The following CUBN variants were observed in gnomAD, a reference collection of about 807,000 sequenced individuals.
CUBN encodes 460 kDa receptor.
CUBN carries 282 observed loss-of-function variants against 405.3 expected under a neutral mutation model. That is an observed-to-expected ratio of 0.70 (90% CI 0.63 to 0.77). The LOEUF (loss-of-function observed/expected upper bound fraction) is 0.77. Among genes scored for constraint, CUBN ranks in the 30% least tolerant of loss-of-function variants. The pLI is 0.00. For missense variants in CUBN, 4,514 were observed against 4,475.2 expected (o/e 1.01, Z -0.25); for synonymous variants, 1,684 against 1,617.0 (o/e 1.04, Z -0.99).
intron 22 of CUBN, among the ~76,000 whole-genome samples, chr10:17,057,659 C>G (rs1835424079): frequency 6.6e-6 from 1 of 151,874 alleles, no homozygotes; most frequent in Non-Finnish European, 1.5e-5. Context: ...TTCATGGTAG[C>G]TTTTTTTGTA....
chr10:16,880,507 G>A (rs1358973829), intron 56 of CUBN, among the ~76,000 whole-genome samples: 1 of 152,236 alleles, frequency 6.6e-6, no homozygotes, highest in African/African-American at 2.4e-5. Context: ...GCGGGGAAGA[G>A]AGAGCATGCT....
chr10:17,071,597 C>G lies in CUBN; in HGVS notation c.2454G>C (p.Gly818=), dbSNP rs749263255. 6.2e-7 allele frequency: 1 copy of G among 1,613,238 alleles called. No individual in the cohort carries two copies. Among genetic ancestry groups the G allele is most frequent in the African/African-American group, 1.3e-5 (1 of 74,862 alleles). Residue 818 remains glycine, a synonymous_variant, in exon 19 of 67, where the codon GGG becomes GGC. Transcript: ENST00000377833. The part of the protein sequence containing the change: ...SFRAVYQVAC[G]DELTGEGVIR... Reference sequence around the variant, plus strand: ...TGACCCCTTCTCCAGTTAATTCATCCCCGCAAGCTGTAAGCATAAAAATTA... The same window carrying G: ...TGACCCCTTCTCCAGTTAATTCATCGCCGCAAGCTGTAAGCATAAAAATTA...
chr10:17,119,517 G>A (rs769957513), intron 6 of CUBN, among the ~76,000 whole-genome samples: 14 of 152,078 alleles, frequency 9.2e-5, no homozygotes, highest in East Asian at 3.9e-4. Flanking sequence ...AAAATTAGCC[G>A]GGTATGGTGT....
rs373793929 is a variant in CUBN at position 17,073,406 on chromosome 10, CATATA to C, written c.2302-1440_2302-1436del. Among the ~76,000 whole-genome samples, 294 of 149,954 alleles carry C rather than the reference CATATA, an allele frequency of 2.0e-3. 3 individuals are homozygous for C. Among genetic ancestry groups the C allele is most frequent in the African/African-American group, 6.8e-3 (278 of 40,988 alleles). On this transcript the variant is annotated intron_variant, in intron 17 of 66. Transcript: ENST00000377833. The stretch of plus-strand genomic sequence containing the variant: ...TATTAGAAAAAAAAGGAATTTCCTT[CATATA>C]ATAGACTACTGATTTTAAATCAATA...
chr10:16,979,178 C>A (rs1246879783), intron 31 of CUBN, among the ~76,000 whole-genome samples: 1 of 152,068 alleles, frequency 6.6e-6, no homozygotes, highest in Non-Finnish European at 1.5e-5. Flanking sequence ...AACCACTGCT[C>A]AAGGAAATAA....
At chr10:17,009,040 AT>A (rs1276107196) in intron 28 of CUBN, among the ~76,000 whole-genome samples, 2 of 152,228 alleles carry the variant, frequency 1.3e-5, no homozygotes, top group African/African-American at 4.8e-5. Context: ...TTCTCAGGTT[AT>A]CTCAAACTAA....
At chr10:17,118,096 C>T (rs2131317391) in intron 6 of CUBN, among the ~76,000 whole-genome samples, 2 of 152,278 alleles carry the variant, frequency 1.3e-5, no homozygotes, top group African/African-American at 4.8e-5. Context: ...TTCATCCTTG[C>T]TATTATCACT....
rs1296952988 is a variant in CUBN, at chr10:16,888,570, T to C, written c.8756-4A>G. On this transcript the variant is annotated splice_region_variant and splice_polypyrimidine_tract_variant and intron_variant, in intron 55 of 66. Coordinates refer to ENST00000377833, the MANE Select transcript of CUBN (RefSeq NM_001081.4). ...CCAGTGAAATTACTTCCACATCCTATGTGGGAACAAAAAGTCATCATCAGA... is the reference window on the plus strand; with the variant it reads ...CCAGTGAAATTACTTCCACATCCTACGTGGGAACAAAAAGTCATCATCAGA... The C allele has an allele frequency of 1.9e-6, 3 of 1,613,020 alleles. No homozygotes were observed. The highest frequency in any genetic ancestry group is 2.2e-5 in the East Asian group (1 of 44,822).
At chr10:16,976,320 G>T (rs117666869) in intron 31 of CUBN, among the ~76,000 whole-genome samples, 1 of 151,900 alleles carries the variant, frequency 6.6e-6, no homozygotes, top group East Asian at 1.9e-4. Context: ...GTTCCTGGCC[G>T]GTAGTTACTT....
At chr10:17,024,907 A>G (rs1229197299) in intron 27 of CUBN, among the ~76,000 whole-genome samples, 1 of 152,118 alleles carries the variant, frequency 6.6e-6, no homozygotes, top group Non-Finnish European at 1.5e-5. Context: ...TGTTTCTTTT[A>G]TTTCCTGGAA....
chr10:17,058,544 C>T (rs1386421064), intron 22 of CUBN, among the ~76,000 whole-genome samples: 1 of 152,002 alleles, frequency 6.6e-6, no homozygotes, highest in Non-Finnish European at 1.5e-5. Flanking sequence ...ACGTATTAAA[C>T]AATAGGATAT....
At chr10:16,868,476 G>C (rs1014759935) in intron 59 of CUBN, among the ~76,000 whole-genome samples, 4 of 152,148 alleles carry the variant, frequency 2.6e-5, no homozygotes, top group Non-Finnish European at 5.9e-5. Context: ...AGATTTGTTT[G>C]GAGAGTTGTG....
chr10:16,960,511 A>G (rs935085354), intron 31 of CUBN, among the ~76,000 whole-genome samples: 7 of 151,950 alleles, frequency 4.6e-5, no homozygotes, highest in African/African-American at 1.7e-4. Context: ...CAAACAAAAA[A>G]CCCCCACAAA....
At position 17,103,131 on chromosome 10, in the gene CUBN, C is replaced by T. The variant is rs1482593298; in HGVS notation, c.1524G>A (p.Met508Ile). The T allele has an allele frequency of 1.3e-6, 2 of 1,599,924 alleles. No individual in the cohort carries two copies. Among genetic ancestry groups the T allele is most frequent in the South Asian group, 2.2e-5 (2 of 90,748 alleles). The change falls in exon 13 of 67, where the codon ATG becomes ATA. Residue 508 changes from methionine (M) to isoleucine (I), a missense_variant. By Grantham distance (10) the Met-to-Ile change is conservative (BLOSUM62 1). Around this residue, in one of 5 missense-constraint regions of CUBN, gnomAD observed 1,448 missense variants for 1,388.0 expected, o/e 1.04. Transcript: ENST00000377833. Reference protein sequence around the residue: ...VNCFWVIKTEMGKVLRITFTF... With the variant: ...VNCFWVIKTEIGKVLRITFTF... Reference sequence around the variant, plus strand: ...CAAGAGTTACTACATTTACCTTTCCCATTTCAGTTTTGATAACCCAGAAGC... The same window carrying T: ...CAAGAGTTACTACATTTACCTTTCCTATTTCAGTTTTGATAACCCAGAAGC...
chr10:16,882,926 A>C (rs1840704459), intron 56 of CUBN, among the ~76,000 whole-genome samples: 1 of 152,104 alleles, frequency 6.6e-6, no homozygotes, highest in African/African-American at 2.4e-5. Context: ...AGCCATGAGA[A>C]TTGCTTGAAC....
chr10:16,937,725 A>G lies in CUBN; in HGVS notation c.5793T>C (p.Thr1931=). Residue 1931 remains threonine, a synonymous_variant, in exon 39 of 67, where the codon ACT becomes ACC. Transcript: ENST00000377833. ...AATTTCCAGTGGAGCTGAAAGATTC[A>G]GTCTGGGTACCACAGTAAGCTCCAA... ...RLIGAYCGTQ[T]ESFSSTGNSL... 6.2e-7 allele frequency: 1 copy of G among 1,614,180 alleles called. No individual in the cohort carries two copies. The highest frequency in any genetic ancestry group is 8.5e-7 in the Non-Finnish European group (1 of 1,180,020).
At chr10:16,854,430 T>C (rs995390739) in intron 59 of CUBN, among the ~76,000 whole-genome samples, 4 of 152,118 alleles carry the variant, frequency 2.6e-5, no homozygotes, top group Non-Finnish European at 5.9e-5. Flanking sequence ...ATCAAATAAG[T>C]GGTAGAATCA....
chr10:17,105,807 G>C (rs527959225), intron 10 of CUBN, among the ~76,000 whole-genome samples: 1 of 152,190 alleles, frequency 6.6e-6, no homozygotes, highest in Non-Finnish European at 1.5e-5. Context: ...TTGACGTACT[G>C]GGTTGACATG....
At chr10:16,863,498 C>A (rs1840076373) in intron 59 of CUBN, among the ~76,000 whole-genome samples, 1 of 152,160 alleles carries the variant, frequency 6.6e-6, no homozygotes, top group Non-Finnish European at 1.5e-5. Context: ...TACATTTGTA[C>A]TTCTAACAGT....
Sources: gnomAD v4.1 joint callset for allele counts (sites outside exome capture counted in the v4.1 genomes callset) on GRCh38, gnomAD v4.1.1 for gene constraint, gnomAD v4.1.1 regional missense constraint, MANE v1.5 for transcripts, NCBI Gene and HGNC (gene_info 2026-07-23, HGNC 2026-07-21) for gene names.